The following WDHD1 variants were observed in gnomAD, a reference collection of about 807,000 sequenced individuals.
The protein encoded by WDHD1 is WD repeat and HMG-box DNA binding protein 1, also known as WD repeat and HMG-box DNA-binding protein 1.
In WDHD1, 111 loss-of-function variants were observed where a neutral mutation model predicts 135.4. The ratio of observed to expected loss-of-function variants is 0.82; its 90% CI spans 0.70 to 0.96. WDHD1 has a LOEUF of 0.96. WDHD1 is among the 40% of genes least tolerant of loss of function. The pLI is 0.00. For missense variants in WDHD1, 1,351 were observed against 1,336.3 expected (o/e 1.01, Z -0.17); for synonymous variants, 434 against 439.0 (o/e 0.99, Z 0.14).
chr14:54,991,935 G>A lies in WDHD1; in HGVS notation c.1154-535C>T, dbSNP rs115400458. On this transcript the variant is annotated intron_variant, in intron 11 of 25. Coordinates refer to ENST00000360586, the MANE Select transcript of WDHD1 (RefSeq NM_007086.4). Reference sequence around the variant, plus strand: ...CCTATCAATTAAGAAAAAATAACTGGCAGAATTTGTTGCCAATGATAACAT... The same window carrying A: ...CCTATCAATTAAGAAAAAATAACTGACAGAATTTGTTGCCAATGATAACAT... Among the ~76,000 whole-genome samples the A allele has an allele frequency of 8.0e-3, 1,221 of 152,222 alleles. 15 individuals are homozygous for A. The highest frequency in any genetic ancestry group is 0.028 in the African/African-American group (1,165 of 41,554).
intron 24 of WDHD1, among the ~76,000 whole-genome samples, chr14:54,947,677 C>T (rs1395218447): frequency 4.0e-5 from 6 of 151,894 alleles, no homozygotes; most frequent in Non-Finnish European, 7.4e-5. Context: ...TTGCAGCCTC[C>T]GTCTCCTGTG....
Position 55,026,824 on chromosome 14 carries a change from C to G in WDHD1, c.-16-21G>C, listed in dbSNP as rs779863151. Reference sequence around the variant, plus strand: ...CCTATCTGAAAATGTTTTATAAAAGCCAGTCTTATTATTTCAAAAGAGAAA... The same window carrying G: ...CCTATCTGAAAATGTTTTATAAAAGGCAGTCTTATTATTTCAAAAGAGAAA... On this transcript the variant is annotated intron_variant, in intron 1 of 25. Coordinates refer to ENST00000360586, the MANE Select transcript of WDHD1 (RefSeq NM_007086.4). 4.3e-6 allele frequency: 7 copies of G among 1,609,286 alleles called. No homozygotes were observed. In the East Asian group the frequency reaches 1.6e-4, roughly 36 times the overall value.
chr14:55,015,060 A>G (rs1390353849), intron 2 of WDHD1, among the ~76,000 whole-genome samples: 2 of 152,188 alleles, frequency 1.3e-5, no homozygotes, highest in Admixed American at 6.5e-5. Context: ...TAGAGAGTAG[A>G]TAGGAGGACT....
intron 7 of WDHD1, 86 bp from the exon 8 acceptor site, chr14:55,002,271 T>C (rs1206685052): frequency 1.9e-5 from 18 of 931,636 alleles, no homozygotes; most frequent in African/African-American, 1.2e-4. Context: ...CATTCAGATA[T>C]ATTTACAAGA....
chr14:54,947,561 A>G (rs1020794652), intron 24 of WDHD1, among the ~76,000 whole-genome samples: 2 of 152,176 alleles, frequency 1.3e-5, no homozygotes, highest in Admixed American at 6.5e-5. Flanking sequence ...AATGAGATAT[A>G]TTATGGTAAA....
intron 16 of WDHD1, among the ~76,000 whole-genome samples, chr14:54,968,847 C>T (rs2041385819): frequency 6.6e-6 from 1 of 152,016 alleles, no homozygotes; most frequent in Non-Finnish European, 1.5e-5. Context: ...TTGACACCAC[C>T]CTGGGCAACA....
At chr14:55,002,049 C>T in intron 8 of WDHD1, 44 bp downstream of exon 8, 2 of 1,383,298 alleles carry the variant, frequency 1.4e-6, no homozygotes, top group South Asian at 2.5e-5. Context: ...TACGCATTAA[C>T]TGCTCCTTAT....
intron 6 of WDHD1, 90 bp from the exon 7 acceptor site, chr14:55,007,465 TCA>T: frequency 1.1e-6 from 1 of 922,738 alleles, no homozygotes; most frequent in Non-Finnish European, 1.6e-6. Context: ...GTTCTTCAAA[TCA>T]ATATATATCT....
chr14:54,993,206 C>T (rs550709029), intron 11 of WDHD1, among the ~76,000 whole-genome samples: 2 of 152,280 alleles, frequency 1.3e-5, no homozygotes, highest in East Asian at 3.9e-4. Context: ...CAGCCTCGAC[C>T]TCTCGGGCTC....
chr14:54,951,421 A>G (rs1402724894), intron 24 of WDHD1, among the ~76,000 whole-genome samples: 1 of 152,176 alleles, frequency 6.6e-6, no homozygotes, highest in Non-Finnish European at 1.5e-5. Flanking sequence ...ATTCCTGGAC[A>G]CACACACCCT....
rs1447770145 is a variant in WDHD1 at position 54,962,494 on chromosome 14, T to C, written c.2701+4A>G. The C allele has an allele frequency of 6.2e-7, 1 of 1,605,206 alleles. No individual in the cohort carries two copies. The highest frequency in any genetic ancestry group is 1.1e-5 in the South Asian group (1 of 90,038). On this transcript the variant is annotated splice_donor_region_variant and intron_variant, in intron 21 of 25. Transcript: ENST00000360586. Reference sequence around the variant, plus strand: ...GATATTACAAATTTATAAATATTTCTCACCTGACTTAGCTGAAACATCAGA... The same window carrying C: ...GATATTACAAATTTATAAATATTTCCCACCTGACTTAGCTGAAACATCAGA...
Position 54,989,145 on chromosome 14 carries a change from A to T in WDHD1, c.1409T>A (p.Phe470Tyr). 5 of 1,613,806 alleles carry T rather than the reference A, an allele frequency of 3.1e-6. No individual in the cohort carries two copies. The South Asian group carries it at 4.4e-5, about 14-fold the overall frequency. ...TGCATGGTGTATGGAGGTATCATGGAACTCCACATCTATGGCATTGTCTTG... is the reference window on the plus strand; with the variant it reads ...TGCATGGTGTATGGAGGTATCATGGTACTCCACATCTATGGCATTGTCTTG... ...DEQDNAIDVE[F>Y]HDTSIHHATH... The change falls in exon 13 of 26, where the codon TTC becomes TAC. Residue 470 changes from phenylalanine (F) to tyrosine (Y), a missense_variant. Physicochemically the swap from Phe to Tyr is conservative, Grantham distance 22 (BLOSUM62 3). Around this residue, in one of 2 missense-constraint regions of WDHD1, gnomAD observed 1,330 missense variants for 1,296.1 expected, o/e 1.03. Transcript: ENST00000360586.
At position 54,989,055 on chromosome 14, in the gene WDHD1, G is replaced by A; in HGVS notation, c.1499C>T (p.Ala500Val). The A allele has an allele frequency of 6.2e-7, 1 of 1,611,712 alleles. No homozygotes were observed. The highest frequency in any genetic ancestry group is 8.5e-7 in the Non-Finnish European group (1 of 1,178,690). ...TGCTAGTTCATCAGTGCTTTCACAT[G>A]CCAACAAAATAGCTTCGTGGGAAAG... ...ADLSHEAILL[A>V]CESTDELASK... is the part of the protein sequence containing the mutation. The change falls in exon 13 of 26, where the codon GCA (alanine) becomes GTA (valine). Residue 500 changes from alanine to valine, a missense_variant. Ala to Val is a moderately conservative substitution (Grantham distance 64). Transcript: ENST00000360586.
At chr14:55,004,997 A>G (rs1566738414) in intron 7 of WDHD1, 3 of 543,732 alleles carry the variant, frequency 5.5e-6, no homozygotes, top group African/African-American at 1.9e-5. Flanking sequence ...CGAACTCAGG[A>G]GCTGGAGTAG....
intron 2 of WDHD1, among the ~76,000 whole-genome samples, chr14:55,019,871 CAA>C (rs796907754): frequency 2.6e-4 from 39 of 152,140 alleles, no homozygotes; most frequent in African/African-American, 7.5e-4. Context: ...TCCATCTCAA[CAA>C]AAAAGAAATC....
In WDHD1 at chr14:54,941,505, T is replaced by C; in HGVS notation, c.3375A>G (p.Ala1125=). The change falls in exon 26 of 26, where the codon GCA becomes GCG. Residue 1125 remains alanine, a synonymous_variant. Transcript: ENST00000360586. ...CTTTCTTCCTTTACTCCTGCTTAAA[T>C]GCAAAAGCTGATAGTTTCTGATTTG... The part of the protein sequence containing the change: ...FSTNQKLSAF[A]FKQE 1 of 1,611,306 alleles carries C rather than the reference T, an allele frequency of 6.2e-7. No individual in the cohort carries two copies. Among genetic ancestry groups the C allele is most frequent in the Non-Finnish European group, 8.5e-7 (1 of 1,179,526 alleles).
intron 13 of WDHD1, among the ~76,000 whole-genome samples, chr14:54,988,051 A>C (rs1445073098): frequency 6.6e-6 from 1 of 152,162 alleles, no homozygotes; most frequent in African/African-American, 2.4e-5. Flanking sequence ...CTGAAAAAAT[A>C]TTTTCTTTTC....
intron 2 of WDHD1, among the ~76,000 whole-genome samples, chr14:55,017,310 T>C (rs958238403): frequency 6.6e-6 from 1 of 152,234 alleles, no homozygotes; most frequent in Non-Finnish European, 1.5e-5. Context: ...ATTAATTTTA[T>C]TGTTTTCTAC....
At chr14:54,970,577 T>C (rs185413518) in intron 16 of WDHD1, among the ~76,000 whole-genome samples, 76 of 148,058 alleles carry the variant, frequency 5.1e-4, no homozygotes, top group East Asian at 2.4e-3. Context: ...AAAATGACCA[T>C]ACTGTGTCTG....
Sources: gnomAD v4.1 joint callset for allele counts (sites outside exome capture counted in the v4.1 genomes callset) on GRCh38, gnomAD v4.1.1 for gene constraint, gnomAD v4.1.1 regional missense constraint, MANE v1.5 for transcripts, NCBI Gene and HGNC (gene_info 2026-07-23, HGNC 2026-07-21) for gene names.